The following RBFOX1 variants were observed in gnomAD, a reference collection of about 807,000 sequenced individuals.
The protein encoded by RBFOX1 is RNA binding protein fox-1 homolog 1.
In RBFOX1, 8 loss-of-function variants were observed where a neutral mutation model predicts 57.7. That is an observed-to-expected ratio of 0.14 (90% CI 0.08 to 0.25). RBFOX1 has a LOEUF of 0.25. RBFOX1 is among the 10% of genes least tolerant of loss of function. The pLI is 1.00. For synonymous variants in RBFOX1, 326 were observed against 222.4 expected, an observed-to-expected ratio of 1.47 and a Z score of -4.15; for missense variants, 611 against 548.5, an observed-to-expected ratio of 1.11 and a Z score of -1.14.
chr16:6,443,554 C>A (rs1400942133), intron 2 of RBFOX1, among the ~76,000 whole-genome samples: 6 of 152,160 alleles, frequency 3.9e-5, no homozygotes, highest in Non-Finnish European at 7.3e-5. Context: ...CTTGAAAATA[C>A]CCAGTGTGCT....
chr16:6,560,516 G>C (rs574177378), intron 2 of RBFOX1, among the ~76,000 whole-genome samples: 1 of 152,256 alleles, frequency 6.6e-6, no homozygotes, highest in East Asian at 1.9e-4. Context: ...CTGTTCAAGA[G>C]ACAATAGAAG....
At chr16:6,947,980 C>T (rs1045335827) in intron 3 of RBFOX1, among the ~76,000 whole-genome samples, 4 of 152,028 alleles carry the variant, frequency 2.6e-5, no homozygotes, top group African/African-American at 7.2e-5. Flanking sequence ...GCTCTTATCA[C>T]GTTTGCCAGG....
chr16:7,651,470 C>T (rs2065047325), intron 11 of RBFOX1, among the ~76,000 whole-genome samples: 1 of 152,192 alleles, frequency 6.6e-6, no homozygotes, highest in Non-Finnish European at 1.5e-5. Flanking sequence ...TCCAGTGAGG[C>T]TTCTCATGCA....
chr16:6,401,238 A>G (rs1436230124), intron 2 of RBFOX1, among the ~76,000 whole-genome samples: 3 of 152,212 alleles, frequency 2.0e-5, no homozygotes, highest in Admixed American at 6.5e-5. Flanking sequence ...AGTACCATCC[A>G]CTGGCCAGAT....
chr16:6,899,286 A>G (rs925417495), intron 3 of RBFOX1, among the ~76,000 whole-genome samples: 2 of 152,038 alleles, frequency 1.3e-5, no homozygotes, highest in East Asian at 1.9e-4. Context: ...GTATGTGTGT[A>G]TAATACATAT....
intron 2 of RBFOX1, among the ~76,000 whole-genome samples, chr16:6,586,067 T>C (rs926574982): frequency 1.2e-4 from 18 of 152,336 alleles, no homozygotes; most frequent in African/African-American, 3.8e-4. Context: ...AGTGAAGTTA[T>C]GCTTAATTTG....
chr16:6,266,710 T>A (rs1393211236), intron 1 of RBFOX1, among the ~76,000 whole-genome samples: 1 of 148,494 alleles, frequency 6.7e-6, no homozygotes, highest in African/African-American at 2.5e-5. Flanking sequence ...CAAGACTCTG[T>A]CTAAAAAAAA....
chr16:5,426,044 A>C (rs1346317402), intron 1 of RBFOX1, among the ~76,000 whole-genome samples: 1 of 152,170 alleles, frequency 6.6e-6, no homozygotes, highest in Admixed American at 6.5e-5. Flanking sequence ...CGGAACCCAA[A>C]ACACAAAACA....
intron 2 of RBFOX1, among the ~76,000 whole-genome samples, chr16:6,590,974 A>G (rs537899076): frequency 2.3e-4 from 35 of 152,264 alleles, no homozygotes; most frequent in African/African-American, 8.2e-4. Context: ...CCAGTGCTGG[A>G]CTACACTTTG....
intron 3 of RBFOX1, among the ~76,000 whole-genome samples, chr16:6,963,592 C>T (rs939619594): frequency 2.0e-5 from 3 of 152,018 alleles, no homozygotes; most frequent in African/African-American, 7.2e-5. Context: ...TATAGGCCAT[C>T]CTAGAAAAGC....
At chr16:7,617,068 G>T (rs1468067672) in intron 10 of RBFOX1, among the ~76,000 whole-genome samples, 1 of 151,750 alleles carries the variant, frequency 6.6e-6, no homozygotes, top group Non-Finnish European at 1.5e-5. Flanking sequence ...GATGGCATAA[G>T]AAACATGATA....
intron 1 of RBFOX1, among the ~76,000 whole-genome samples, chr16:6,055,935 G>C (rs190720989): frequency 3.3e-5 from 5 of 152,098 alleles, no homozygotes; most frequent in Non-Finnish European, 7.3e-5. Flanking sequence ...TGAGCACTTA[G>C]GTTATTTCTT....
chr16:7,121,729 A>G (rs2067229233), intron 4 of RBFOX1, among the ~76,000 whole-genome samples: 1 of 152,026 alleles, frequency 6.6e-6, no homozygotes, highest in Admixed American at 6.6e-5. Context: ...AACAAAAACT[A>G]GAATATCCAA....
intron 3 of RBFOX1, chr16:5,867,224 C>A: frequency 1.0e-6 from 1 of 976,256 alleles, no homozygotes. Flanking sequence ...TTATTGATGC[C>A]AGTTCCTTTA....
intron 3 of RBFOX1, among the ~76,000 whole-genome samples, chr16:6,961,057 C>T (rs937989443): frequency 1.3e-5 from 2 of 151,058 alleles, no homozygotes; most frequent in Non-Finnish European, 2.9e-5. Context: ...GCAGGAGAAT[C>T]ACTTGAATCC....
intron 4 of RBFOX1, among the ~76,000 whole-genome samples, chr16:7,169,232 G>A (rs918405470): frequency 1.3e-5 from 2 of 152,180 alleles, no homozygotes; most frequent in Admixed American, 1.3e-4. Flanking sequence ...TGGTGACGAT[G>A]AAAATCATAA....
chr16:5,641,281 T>A (rs1333906510), intron 3 of RBFOX1, among the ~76,000 whole-genome samples: 2 of 152,204 alleles, frequency 1.3e-5, no homozygotes, highest in African/African-American at 2.4e-5. Flanking sequence ...GTGTTCTAGG[T>A]GCTGAGAATA....
chr16:6,854,532 C>G (rs1305253494), intron 3 of RBFOX1, among the ~76,000 whole-genome samples: 1 of 150,724 alleles, frequency 6.6e-6, no homozygotes, highest in African/African-American at 2.4e-5. Flanking sequence ...TTTTGCCTGG[C>G]CAACGACATC....
At chr16:6,145,848 G>A (rs977302552) in intron 1 of RBFOX1, among the ~76,000 whole-genome samples, 1 of 152,156 alleles carries the variant, frequency 6.6e-6, no homozygotes, top group Non-Finnish European at 1.5e-5. Flanking sequence ...TAATGGTGTT[G>A]CTTTTCTTGT....
Sources: gnomAD v4.1 joint callset for allele counts (sites outside exome capture counted in the v4.1 genomes callset) on GRCh38, gnomAD v4.1.1 for gene constraint, MANE v1.5 for transcripts, NCBI Gene and HGNC (gene_info 2026-07-23, HGNC 2026-07-21) for gene names.